The following COL11A2 variants were observed in gnomAD, a reference collection of about 807,000 sequenced individuals.
COL11A2 encodes the protein collagen alpha-2(XI) chain.
Under a neutral mutation model 273.4 loss-of-function variants are expected in COL11A2, and 116 were observed. The ratio of observed to expected loss-of-function variants is 0.42; its 90% confidence interval spans 0.36 to 0.49. COL11A2 has a LOEUF of 0.49. COL11A2 is among the 20% of genes least tolerant of loss of function. COL11A2 has a pLI of 0.00. For missense variants in COL11A2, 1,866 were observed against 2,309.0 expected, an observed-to-expected ratio of 0.81 and a Z score of 3.93; for synonymous variants, 782 against 864.2, an observed-to-expected ratio of 0.90 and a Z score of 1.67.
chr6:33,169,405 T>C lies in COL11A2; in HGVS notation c.3776A>G (p.Asp1259Gly), dbSNP rs1252249983. Residue 1259 changes from aspartate (D) to glycine (G), a missense_variant, in exon 51 of 66, where the codon GAT (aspartate) becomes GGT (glycine). By Grantham distance (94) the Asp-to-Gly change is moderately conservative. Coordinates refer to ENST00000341947, the MANE Select transcript of COL11A2 (RefSeq NM_080680.3). The surrounding 1 kb of genome is among the most constrained non-coding windows in gnomAD (Gnocchi z 5.5). ...GPPGPKGPTG[D>G]DGPKGNPGPV... ...CACAGGGTTCCCTTTGGGGCCATCA[T>C]CGCCTGTGGGGCCTTTAGGCCCTGG... The C allele has an allele frequency of 3.1e-6, 5 of 1,612,882 alleles. No homozygotes were observed. Among genetic ancestry groups the C allele is most frequent in the Non-Finnish European group, 4.2e-6 (5 of 1,180,018 alleles).
At chr6:33,182,710 C>CAA (rs1216685922) in intron 8 of COL11A2, among the ~76,000 whole-genome samples, 18 of 120,356 alleles carry the variant, frequency 1.5e-4, no homozygotes, top group Non-Finnish European at 2.1e-4. Context: ...GACCCTGCCT[C>CAA]AAAAAAAAAA....
chr6:33,167,586 C>T lies in COL11A2; in HGVS notation c.4015-53G>A. On this transcript the variant is annotated intron_variant, in intron 55 of 65. Transcript: ENST00000341947. This position sits in a 1 kb window ranked among gnomAD's most constrained non-coding sequence, Gnocchi z 6.1. ...GAATGGCAGAGGAGTGGGGTGTGGG[C>T]AGGGGGCAGAGGGTCCAAGGTGGGA... 1 of 1,596,750 alleles carries T rather than the reference C, an allele frequency of 6.3e-7. No individual in the cohort carries two copies. Among genetic ancestry groups the T allele is most frequent in the South Asian group, 1.1e-5 (1 of 89,944 alleles).
chr6:33,164,760 G>T lies in COL11A2; in HGVS notation c.4863+92C>A. On this transcript the variant is annotated intron_variant, in intron 64 of 65. Coordinates refer to ENST00000341947, the MANE Select transcript of COL11A2 (RefSeq NM_080680.3). The surrounding 1 kb of genome is among the most constrained non-coding windows in gnomAD (Gnocchi z 4.7). Reference sequence around the variant, plus strand: ...GTGGCAGGCTCCGGGGGGGGCAACAGCCAGGGGACTGTCACCAAAACCCAG... The same window carrying T: ...GTGGCAGGCTCCGGGGGGGGCAACATCCAGGGGACTGTCACCAAAACCCAG... The T allele has an allele frequency of 3.5e-6, 4 of 1,157,568 alleles. No homozygotes were observed. Among genetic ancestry groups the T allele is most frequent in the Non-Finnish European group, 5.0e-6 (4 of 797,124 alleles). 71.7% of individuals were successfully genotyped at this position (1,157,568 alleles called of 1,614,324 possible).
rs1407526799 is a variant in COL11A2, at chr6:33,192,205, G to T, written c.36C>A (p.Leu12=). Residue 12 remains leucine (L), a synonymous_variant, in exon 1 of 66, where the codon CTC becomes CTA. Transcript: ENST00000341947. ...ERCSRCHRLL[L]LLPLVLGLSA... ...TCAGCCCCAGCACCAGAGGTAGGAG[G>T]AGGAGGAGGCGATGGCAGCGGCTGC... 1 of 1,566,852 alleles carries T rather than the reference G, an allele frequency of 6.4e-7. No homozygotes were observed. The highest frequency in any genetic ancestry group is 2.3e-5 in the East Asian group (1 of 42,842).
At position 33,172,350 on chromosome 6, in the gene COL11A2, C is replaced by T. The variant is rs1355426447; in HGVS notation, c.2927G>A (p.Gly976Glu). Residue 976 changes from glycine to glutamate, a missense_variant, in exon 40 of 66, where the codon GGG becomes GAG. Gly to Glu is a moderately conservative substitution (Grantham distance 98). Transcript: ENST00000341947. ...KGDPGPPGAP[G>E]KDGPAGLRGF... ...CCTCAGACCAGCAGGACCATCCTTC[C>T]CTGGGGCCCCAGGGGGACCAGGGTC... 6.3e-7 allele frequency: 1 copy of T among 1,589,354 alleles called. No individual in the cohort carries two copies. The highest frequency in any genetic ancestry group is 8.6e-7 in the Non-Finnish European group (1 of 1,168,688).
At chr6:33,193,131 C>T (rs1052244761), upstream of COL11A2, among the ~76,000 whole-genome samples, 1 of 152,080 alleles carries the variant, frequency 6.6e-6, no homozygotes, top group African/African-American at 2.4e-5. Flanking sequence ...AGCGAGCAGT[C>T]GACTCTGGTT....
chr6:33,170,979 C>T lies in COL11A2; in HGVS notation c.3367-62G>A. ...GGATGGGTCATGGGTCAGGTGTTCT[C>T]TATCCACAAATACCACACACAGCTG... On this transcript the variant is annotated intron_variant, in intron 45 of 65. Coordinates refer to ENST00000341947, the MANE Select transcript of COL11A2 (RefSeq NM_080680.3). This position sits in a 1 kb window ranked among gnomAD's most constrained non-coding sequence, Gnocchi z 4.3. 4.4e-6 allele frequency: 7 copies of T among 1,591,382 alleles called. No individual in the cohort carries two copies. Among genetic ancestry groups the T allele is most frequent in the Non-Finnish European group, 6.0e-6 (7 of 1,161,106 alleles).
Position 33,165,395 on chromosome 6 carries a change from C to T in COL11A2, c.4750+154G>A, listed in dbSNP as rs1768967501. On this transcript the variant is annotated intron_variant, in intron 63 of 65. Transcript: ENST00000341947. This position sits in a 1 kb window ranked among gnomAD's most constrained non-coding sequence, Gnocchi z 7.7. ...GATCAGTTGCTAAAGTATTGGGATA[C>T]TTCTGACCTGGTTAGTAAATAGCTG... is the stretch of plus-strand genomic sequence containing the variant. Among the ~76,000 whole-genome samples, 1 of 152,146 alleles carries T rather than the reference C, an allele frequency of 6.6e-6. No homozygotes were observed. The highest frequency in any genetic ancestry group is 2.4e-5 in the African/African-American group (1 of 41,426).
chr6:33,189,685 C>T lies in COL11A2; in HGVS notation c.83-216G>A, dbSNP rs1488995032. Among the ~76,000 whole-genome samples, 2 of 152,154 alleles carry T rather than the reference C, an allele frequency of 1.3e-5. No homozygotes were observed. The highest frequency in any genetic ancestry group is 2.9e-5 in the Non-Finnish European group (2 of 68,012). On this transcript the variant is annotated intron_variant, in intron 1 of 65. Coordinates refer to ENST00000341947, the MANE Select transcript of COL11A2 (RefSeq NM_080680.3). This position sits in a 1 kb window ranked among gnomAD's most constrained non-coding sequence, Gnocchi z 5.6. The stretch of plus-strand genomic sequence containing the variant: ...CATCAGCTGGCATTCAACCCCATGA[C>T]ACTCCTGCCCCTGTCTCTCCTAGCA...
intron 44 of COL11A2, 27 bp from the exon 45 acceptor site, chr6:33,171,194 A>G: frequency 1.2e-6 from 2 of 1,612,936 alleles, no homozygotes; most frequent in Non-Finnish European, 1.7e-6. Context: ...AGTCAGAGAC[A>G]CCAAAACAGG....
At position 33,164,309 on chromosome 6, in the gene COL11A2, CG is replaced by C; in HGVS notation, c.5027del (p.Pro1676ArgfsTer67). ...LRGANEDELS[P>X]ETSPYVKEFR... ...ATTCTTTGACATAGGGGCTAGTCTC[CG>C]GGCTCAGCTCATCCTCATTGGCCCC... On this transcript the variant is annotated frameshift_variant, in exon 65 of 66. Transcript: ENST00000341947. LOFTEE classifies it high-confidence loss of function. This position sits in a 1 kb window ranked among gnomAD's most constrained non-coding sequence, Gnocchi z 4.7. 2 of 1,612,972 alleles carry C rather than the reference CG, an allele frequency of 1.2e-6. No homozygotes were observed. Among genetic ancestry groups the C allele is most frequent in the Non-Finnish European group, 1.7e-6 (2 of 1,179,996 alleles).
At chr6:33,168,642 C>T in intron 53 of COL11A2, 64 bp downstream of exon 53, 1 of 1,600,320 alleles carries the variant, frequency 6.2e-7, no homozygotes, top group Non-Finnish European at 8.5e-7. Flanking sequence ...GAGTGGGGCA[C>T]AGAAGAGGGG....
rs1488465778 is a variant in COL11A2 at position 33,166,444 on chromosome 6, G to T, written c.4392+69C>A. 2 of 1,552,712 alleles carry T rather than the reference G, an allele frequency of 1.3e-6. No individual in the cohort carries two copies. The highest frequency in any genetic ancestry group is 1.4e-5 in the African/African-American group (1 of 73,668). ...TTAGGCTGGTAGTTCCATGGAAGTC[G>T]TTGGGAGGCTGTGGGTGGGCAGCAG... On this transcript the variant is annotated intron_variant, in intron 60 of 65. Transcript: ENST00000341947. The surrounding 1 kb of genome is among the most constrained non-coding windows in gnomAD (Gnocchi z 4.8).
rs375025875 is a variant in COL11A2 at position 33,184,336 on chromosome 6, T to C, written c.940-12A>G. 2.9e-6 allele frequency: 4 copies of C among 1,362,654 alleles called. No homozygotes were observed. Among genetic ancestry groups the C allele is most frequent in the Non-Finnish European group, 3.9e-6 (4 of 1,018,314 alleles). 84.4% of individuals were successfully genotyped at this position (1,362,654 alleles called of 1,614,324 possible). A position where few individuals can be genotyped will look rare whatever the true frequency, so the allele number is the denominator to read the frequency against. ...AGATCTGTCTGCTCCTTCCCAGGGATGGGGAGGGAGAGGGGTAGATGGGGA... is the reference window on the plus strand; with the variant it reads ...AGATCTGTCTGCTCCTTCCCAGGGACGGGGAGGGAGAGGGGTAGATGGGGA... On this transcript the variant is annotated splice_polypyrimidine_tract_variant and intron_variant, in intron 7 of 65. Transcript: ENST00000341947.
Position 33,173,555 on chromosome 6 carries a change from C to T in COL11A2, c.2629G>A (p.Gly877Ser). The change falls in exon 36 of 66, where the codon GGC becomes AGC. Residue 877 changes from glycine (G) to serine (S), a missense_variant and splice_region_variant. Gly to Ser is a moderately conservative substitution (Grantham distance 56). Transcript: ENST00000341947. This position sits in a 1 kb window ranked among gnomAD's most constrained non-coding sequence, Gnocchi z 6.3. Reference protein sequence around the residue: ...DGPHGPPGERGLPGPQGPNGF... With the variant: ...DGPHGPPGERSLPGPQGPNGF... ...TTGGGACCCTGAGGTCCAGGGAGGC[C>T]CTAGAGACAGAGGTGGGGGGAGTCA... 3 of 1,594,636 alleles carry T rather than the reference C, an allele frequency of 1.9e-6. No homozygotes were observed. The highest frequency in any genetic ancestry group is 2.6e-6 in the Non-Finnish European group (3 of 1,174,266).
Position 33,172,600 on chromosome 6 carries a change from CCT to C in COL11A2, c.2826_2827del (p.Gly943SerfsTer25). The C allele has an allele frequency of 6.2e-7, 1 of 1,612,718 alleles. No individual in the cohort carries two copies. The highest frequency in any genetic ancestry group is 8.5e-7 in the Non-Finnish European group (1 of 1,179,942). On this transcript the variant is annotated frameshift_variant, in exon 39 of 66. Coordinates refer to ENST00000341947, the MANE Select transcript of COL11A2 (RefSeq NM_080680.3). LOFTEE classifies it high-confidence loss of function. The stretch of plus-strand genomic sequence containing the variant: ...AGGGGGCCCCGGGGGGCCTGGGTGA[CCT>C]CTCTCCCCCATAGGGCCGGTTTCTC...
In COL11A2 at chr6:33,167,790, G is replaced by A. The variant is rs1428282885; in HGVS notation, c.4014+9C>T. ...GGATGCTCCAGCACTAGGGCAGCCT[G>A]TCCCTCACCTTGGCTCCCTTCCCTC... On this transcript the variant is annotated intron_variant, in intron 55 of 65. Transcript: ENST00000341947. This position sits in a 1 kb window ranked among gnomAD's most constrained non-coding sequence, Gnocchi z 6.1. The A allele has an allele frequency of 1.2e-6, 2 of 1,612,768 alleles. No homozygotes were observed. The highest frequency in any genetic ancestry group is 3.3e-5 in the Admixed American group (2 of 59,990).
intron 9 of COL11A2, 52 bp downstream of exon 9, chr6:33,181,059 C>A: frequency 1.2e-6 from 2 of 1,614,110 alleles, no homozygotes; most frequent in Non-Finnish European, 1.7e-6. Context: ...CACTCAACCC[C>A]ACTTGCTTCT....
At chr6:33,171,440 T>C in intron 43 of COL11A2, 27 bp downstream of exon 43, 1 of 1,611,240 alleles carries the variant, frequency 6.2e-7, no homozygotes, top group Non-Finnish European at 8.5e-7. Flanking sequence ...GAAAGAAGAT[T>C]GGTCGGGGTC....
Sources: allele counts gnomAD v4.1 joint callset (sites outside exome capture counted in the v4.1 genomes callset), GRCh38; gene constraint gnomAD v4.1.1; non-coding constraint Gnocchi (gnomAD v3.1); transcripts MANE v1.5; gene names NCBI Gene and HGNC (gene_info 2026-07-23, HGNC 2026-07-21).